The following HECW2 variants were observed in gnomAD, a reference collection of about 807,000 sequenced individuals.
HECW2 encodes the protein E3 ubiquitin-protein ligase HECW2.
Under a neutral mutation model 175.2 loss-of-function variants are expected in HECW2, and 61 were observed. The ratio of observed to expected loss-of-function variants is 0.35; its 90% CI spans 0.28 to 0.43. HECW2 has a LOEUF of 0.43. Ranked by LOEUF, HECW2 falls within the 20% of genes least tolerant of loss-of-function variation. The probability of loss-of-function intolerance (pLI) is 1.00; values close to 1 mark genes in which losing one functional copy is unlikely to be tolerated. For synonymous variants in HECW2, 671 were observed against 731.0 expected (o/e 0.92, Z 1.32); for missense variants, 1,524 against 2,000.5 (o/e 0.76, Z 4.54).
rs1442683783 is a variant in HECW2, at chr2:196,346,956, C to T, written c.293-3192G>A. ...CCGAGAGGTGGAGTTTGCAGTGAGC[C>T]GAGATCACGCCACCGTACTCTAGCC... On this transcript the variant is annotated intron_variant, in intron 2 of 28. Transcript: ENST00000644978. Among the ~76,000 whole-genome samples the T allele has an allele frequency of 2.1e-5, 3 of 144,818 alleles. No homozygotes were observed. The East Asian group carries it at 6.1e-4, about 30-fold the overall frequency.
intron 1 of HECW2, among the ~76,000 whole-genome samples, chr2:196,436,225 C>T (rs563362592): frequency 6.6e-6 from 1 of 151,896 alleles, no homozygotes; most frequent in Non-Finnish European, 1.5e-5. Context: ...ATGGTGAAAC[C>T]CCATCTCTAC....
At chr2:196,360,256 T>C (rs1693538407) in intron 2 of HECW2, among the ~76,000 whole-genome samples, 1 of 152,214 alleles carries the variant, frequency 6.6e-6, no homozygotes, top group South Asian at 2.1e-4. Context: ...GCATGTTCAC[T>C]GCAGCACTAT....
chr2:196,288,919 T>C (rs1044573834), intron 14 of HECW2: 11 of 152,242 alleles, frequency 7.2e-5, no homozygotes, highest in African/African-American at 2.4e-4. Flanking sequence ...CACTTACGAA[T>C]TGTGGGACCT....
chr2:196,481,533 T>G (rs1480388382), intron 1 of HECW2, among the ~76,000 whole-genome samples: 1 of 152,234 alleles, frequency 6.6e-6, no homozygotes, highest in Admixed American at 6.5e-5. Flanking sequence ...TTGCTCATTC[T>G]GGGATTAACT....
At chr2:196,257,430 A>G (rs2105923134) in intron 18 of HECW2, among the ~76,000 whole-genome samples, 1 of 49,132 alleles carries the variant, frequency 2.0e-5, no homozygotes, top group South Asian at 4.6e-4. Flanking sequence ...GAGTCAGCAA[A>G]AGGGGACAAA....
intron 21 of HECW2, among the ~76,000 whole-genome samples, chr2:196,233,059 A>G (rs745031): frequency 0.8 from 121,060 of 152,192 alleles, 50,585 homozygotes; most frequent in Non-Finnish European, 0.92. Flanking sequence ...ATGTCACAGC[A>G]GGGTACATCA....
At chr2:196,291,978 T>C (rs1690619032) in intron 14 of HECW2, 1 of 152,266 alleles carries the variant, frequency 6.6e-6, no homozygotes, top group South Asian at 2.1e-4. Context: ...TTCTGGTTCA[T>C]CCACCTACAG....
intron 1 of HECW2, among the ~76,000 whole-genome samples, chr2:196,434,769 A>G (rs886445926): frequency 6.6e-6 from 1 of 152,176 alleles, no homozygotes; most frequent in Admixed American, 6.5e-5. Flanking sequence ...GGCAAACCCT[A>G]TTGGGTCCTG....
chr2:196,243,629 G>GTT (rs1688544765), intron 19 of HECW2, among the ~76,000 whole-genome samples: 1 of 152,064 alleles, frequency 6.6e-6, no homozygotes. Context: ...TGCCCAGGCT[G>GTT]GAGTGCAATG....
At chr2:196,322,373 A>C (rs1279693001) in intron 7 of HECW2, 105 bp downstream of exon 7, 23 of 798,682 alleles carry the variant, frequency 2.9e-5, no homozygotes, top group Non-Finnish European at 4.3e-5. Flanking sequence ...GAATTGTGTT[A>C]CTACTTCTTA....
At chr2:196,209,418 T>C (rs1687183350) in intron 28 of HECW2, among the ~76,000 whole-genome samples, 2 of 152,204 alleles carry the variant, frequency 1.3e-5, no homozygotes, top group African/African-American at 4.8e-5. Flanking sequence ...ATCTTTAATA[T>C]GGTGATGTGA....
chr2:196,221,181 C>T (rs1687655231), intron 24 of HECW2, among the ~76,000 whole-genome samples: 1 of 152,188 alleles, frequency 6.6e-6, no homozygotes, highest in African/African-American at 2.4e-5. Flanking sequence ...GCTGTTACTA[C>T]AGGTTAAGTT....
At position 196,292,372 on chromosome 2, in the gene HECW2, C is replaced by T. The variant is rs962537255; in HGVS notation, c.3000+193G>A. The T allele has an allele frequency of 1.3e-5, 7 of 538,968 alleles. No individual in the cohort carries two copies. The African/African-American group carries it at 1.3e-4, about 10-fold the overall frequency. The allele number at this position is 538,968 out of a possible 1,614,324, so 33.4% of individuals were successfully genotyped here. A position where few individuals can be genotyped will look rare whatever the true frequency, so the allele number is the denominator to read the frequency against. ...CGTCACAGCCCTCCCTCCGCTCCCT[C>T]CACGACTTCAGAATGGCACAGTCAC... On this transcript the variant is annotated intron_variant, in intron 14 of 28. Coordinates refer to ENST00000644978, the MANE Select transcript of HECW2 (RefSeq NM_001348768.2).
chr2:196,418,838 A>T (rs1695329895), intron 2 of HECW2, among the ~76,000 whole-genome samples: 1 of 152,332 alleles, frequency 6.6e-6, no homozygotes, highest in East Asian at 1.9e-4. Context: ...AATATAGAGG[A>T]TATTTAAAAA....
chr2:196,448,618 G>T (rs1284308270), intron 1 of HECW2, among the ~76,000 whole-genome samples: 1 of 152,200 alleles, frequency 6.6e-6, no homozygotes, highest in Non-Finnish European at 1.5e-5. Context: ...TGGCTCTGCT[G>T]TGTCTCCTCA....
intron 26 of HECW2, among the ~76,000 whole-genome samples, chr2:196,219,043 A>G (rs1687575331): frequency 6.6e-6 from 1 of 152,180 alleles, no homozygotes; most frequent in African/African-American, 2.4e-5. Flanking sequence ...TTTTACTACA[A>G]ACTTTTAAAA....
chr2:196,251,154 C>A (rs1688838680), intron 19 of HECW2, among the ~76,000 whole-genome samples: 1 of 152,170 alleles, frequency 6.6e-6, no homozygotes, highest in Non-Finnish European at 1.5e-5. Flanking sequence ...ACCCTCCCAC[C>A]TCAGCCCCCG....
chr2:196,458,327 C>T (rs1312003524), intron 1 of HECW2, among the ~76,000 whole-genome samples: 1 of 151,892 alleles, frequency 6.6e-6, no homozygotes, highest in Non-Finnish European at 1.5e-5. Context: ...TGCACTCTAC[C>T]AATTCTATTA....
At chr2:196,358,158 G>A (rs1693448002) in intron 2 of HECW2, among the ~76,000 whole-genome samples, 1 of 152,080 alleles carries the variant, frequency 6.6e-6, no homozygotes, top group Non-Finnish European at 1.5e-5. Flanking sequence ...AAACTGCATA[G>A]ACTCCATTTT....
Sources: allele counts gnomAD v4.1 joint callset (sites outside exome capture counted in the v4.1 genomes callset), GRCh38; gene constraint gnomAD v4.1.1; transcripts MANE v1.5; gene names NCBI Gene and HGNC (gene_info 2026-07-23, HGNC 2026-07-21).